Variants in PTPRT observed in about 807,000 individuals in gnomAD.
The protein encoded by PTPRT is protein tyrosine phosphatase receptor type T.
PTPRT carries 56 observed loss-of-function variants against 176.8 expected under a neutral mutation model. The observed-to-expected ratio is 0.32, with a 90% CI of 0.26 to 0.40. The LOEUF (loss-of-function observed/expected upper bound fraction) is 0.40. Among genes scored for constraint, PTPRT ranks in the 10% least tolerant of loss-of-function variants. PTPRT has a pLI of 1.00. For missense variants in PTPRT, 1,540 were observed against 1,908.2 expected, an observed-to-expected ratio of 0.81 and a Z score of 3.60; for synonymous variants, 783 against 739.0, an observed-to-expected ratio of 1.06 and a Z score of -0.96.
the PTPRT span, among the ~76,000 whole-genome samples, chr20:42,037,093 T>C: frequency 5.3e-5 from 8 of 152,170 alleles, no homozygotes; most frequent in East Asian, 1.3e-3. Context: ...CAAACAGGCA[T>C]CCCACTTCTC....
chr20:42,232,532 T>C (rs2056154843), intron 15 of PTPRT, among the ~76,000 whole-genome samples: 1 of 152,116 alleles, frequency 6.6e-6, no homozygotes, highest in Non-Finnish European at 1.5e-5. Context: ...CCTCGGGGCA[T>C]ATACTAGCAC....
intron 2 of PTPRT, among the ~76,000 whole-genome samples, chr20:42,852,884 C>A (rs536236482): frequency 6.6e-6 from 1 of 152,224 alleles, no homozygotes; most frequent in South Asian, 2.1e-4. Context: ...CAAGTTCACT[C>A]AGAGTGGCCA....
At chr20:42,345,604 GTGTGTGTGTGTGTGTA>G (rs1298219128) in intron 11 of PTPRT, among the ~76,000 whole-genome samples, 10 of 139,640 alleles carry the variant, frequency 7.2e-5, no homozygotes, top group Admixed American at 5.7e-4. Flanking sequence ...GTGTGTGTGT[GTGTGTGTGTGTGTGTA>G]TATATATGTA....
At chr20:42,443,672 T>G (rs1021682434) in intron 9 of PTPRT, among the ~76,000 whole-genome samples, 2 of 151,906 alleles carry the variant, frequency 1.3e-5, no homozygotes, top group African/African-American at 4.8e-5. Context: ...CCTGGAGTGG[T>G]AATAGGGTCA....
chr20:42,428,384 C>A (rs546878432), intron 9 of PTPRT, among the ~76,000 whole-genome samples: 1 of 152,330 alleles, frequency 6.6e-6, no homozygotes, highest in South Asian at 2.1e-4. Context: ...ACTTCATGAA[C>A]TGCCATGGTT....
At chr20:43,126,855 C>T (rs1025035064) in intron 1 of PTPRT, among the ~76,000 whole-genome samples, 6 of 152,154 alleles carry the variant, frequency 3.9e-5, no homozygotes, top group African/African-American at 1.4e-4. Flanking sequence ...GAGTAGTAAA[C>T]ATCCATAGAG....
intron 1 of PTPRT, among the ~76,000 whole-genome samples, chr20:43,084,031 A>G (rs6016951): frequency 0.64 from 97,661 of 152,034 alleles, 32,340 homozygotes; most frequent in East Asian, 0.83. Flanking sequence ...TTGCTTATCC[A>G]TTTGCCAGCT....
intron 9 of PTPRT, among the ~76,000 whole-genome samples, chr20:42,387,874 C>T (rs1304203857): frequency 6.6e-6 from 1 of 151,858 alleles, no homozygotes; most frequent in African/African-American, 2.4e-5. Flanking sequence ...TCACTGAAAC[C>T]CCTACCTCCT....
Position 43,189,538 on chromosome 20 carries a change from G to T in PTPRT, c.88+108C>A. On this transcript the variant is annotated intron_variant, in intron 1 of 30. Transcript: ENST00000373187. This position sits in a 1 kb window ranked among gnomAD's most constrained non-coding sequence, Gnocchi z 5.0. ...CCGGGTTCCGGCCATGGGGACCCGC[G>T]CCCCCGCGAGCCCACACAACTTTCT... The T allele has an allele frequency of 1.5e-6, 1 of 661,150 alleles. No individual in the cohort carries two copies. Among genetic ancestry groups the T allele is most frequent in the Non-Finnish European group, 2.0e-6 (1 of 488,630 alleles). 41.0% of individuals were successfully genotyped at this position (661,150 alleles called of 1,614,324 possible).
At chr20:42,358,499 T>TA (rs2058388232) in intron 9 of PTPRT, among the ~76,000 whole-genome samples, 1 of 152,180 alleles carries the variant, frequency 6.6e-6, no homozygotes, top group African/African-American at 2.4e-5. Flanking sequence ...AGATGGCTCT[T>TA]ATGAGCATGT....
intron 9 of PTPRT, among the ~76,000 whole-genome samples, chr20:42,380,912 G>A (rs1275184060): frequency 6.6e-6 from 1 of 152,154 alleles, no homozygotes; most frequent in Non-Finnish European, 1.5e-5. Flanking sequence ...GCATGATGTT[G>A]CCATCTGCTC....
chr20:42,504,188 T>C (rs2071804336), intron 7 of PTPRT, among the ~76,000 whole-genome samples: 1 of 152,200 alleles, frequency 6.6e-6, no homozygotes, highest in South Asian at 2.1e-4. Flanking sequence ...TAAATGTTTC[T>C]AATAATAAAA....
chr20:42,477,311 C>A lies in PTPRT; in HGVS notation c.1154-4749G>T, dbSNP rs2071307299. Among the ~76,000 whole-genome samples, 8 of 152,296 alleles carry A rather than the reference C, an allele frequency of 5.3e-5. No individual in the cohort carries two copies. The South Asian group carries it at 1.7e-3, about 32-fold the overall frequency. On this transcript the variant is annotated intron_variant, in intron 7 of 30. Coordinates refer to ENST00000373187, the MANE Select transcript of PTPRT (RefSeq NM_007050.6). ...TGGTGACCTGTTCTTGGGAACTGAG[C>A]TCAGACTCTCTGACTCCACAGTCCT...
chr20:42,964,806 A>G (rs1388439361), intron 1 of PTPRT, among the ~76,000 whole-genome samples: 1 of 152,234 alleles, frequency 6.6e-6, no homozygotes, highest in African/African-American at 2.4e-5. Flanking sequence ...CCATGAGGCT[A>G]AAGTTTGAAC....
Position 42,411,732 on chromosome 20 carries a change from A to G in PTPRT, c.1560+36488T>C, listed in dbSNP as rs1600979921. On this transcript the variant is annotated intron_variant, in intron 9 of 30. Coordinates refer to ENST00000373187, the MANE Select transcript of PTPRT (RefSeq NM_007050.6). ...AAATTTGATAGCACAGATGAAATAA[A>G]CAAATTATTTGAAAGACACAAACTA... Among the ~76,000 whole-genome samples the G allele has an allele frequency of 2.6e-5, 4 of 152,296 alleles. No individual in the cohort carries two copies. In the South Asian group the frequency reaches 8.3e-4, roughly 32 times the overall value.
chr20:42,349,149 G>A (rs1383927394), intron 11 of PTPRT, among the ~76,000 whole-genome samples: 5 of 152,146 alleles, frequency 3.3e-5, no homozygotes, highest in Non-Finnish European at 5.9e-5. Flanking sequence ...CTTCTGGGCT[G>A]GTGTCCTAGC....
chr20:42,582,193 C>G (rs2073385319), intron 7 of PTPRT, among the ~76,000 whole-genome samples: 1 of 152,156 alleles, frequency 6.6e-6, no homozygotes, highest in South Asian at 2.1e-4. Context: ...AGGGAAGCAC[C>G]TGTCTTGGTC....
chr20:43,004,058 G>C (rs1005546406), intron 1 of PTPRT, among the ~76,000 whole-genome samples: 10 of 151,824 alleles, frequency 6.6e-5, no homozygotes, highest in Non-Finnish European at 1.2e-4. Context: ...GCTGGGGAAG[G>C]CTTTTTTGAG....
At chr20:42,408,491 C>A (rs1169178607) in intron 9 of PTPRT, among the ~76,000 whole-genome samples, 3 of 151,844 alleles carry the variant, frequency 2.0e-5, no homozygotes, top group Non-Finnish European at 4.4e-5. Flanking sequence ...ATTCTGCTGG[C>A]AACAAAATTA....
Sources: gnomAD v4.1 joint callset for allele counts (sites outside exome capture counted in the v4.1 genomes callset) on GRCh38, gnomAD v4.1.1 for gene constraint, Gnocchi (gnomAD v3.1) non-coding constraint, MANE v1.5 for transcripts, NCBI Gene and HGNC (gene_info 2026-07-23, HGNC 2026-07-21) for gene names.